GALNT14: variants seen among roughly 807,000 people sequenced by gnomAD.
The protein encoded by GALNT14 is polypeptide N-acetylgalactosaminyltransferase 14, also known as UDP-GalNAc:polypeptide N-acetylgalactosaminyltransferase 14.
GALNT14 carries 60 observed loss-of-function variants against 77.5 expected under a neutral mutation model. The observed-to-expected ratio is 0.77, with a 90% CI of 0.63 to 0.96. The LOEUF is 0.96. GALNT14 is among the 40% of genes least tolerant of loss of function. GALNT14 has a pLI of 0.00. For missense variants in GALNT14, 710 were observed against 731.0 expected (o/e 0.97, Z 0.33); for synonymous variants, 280 against 281.7 (o/e 0.99, Z 0.06).
chr2:31,079,778 C>T (rs144419868), intron 1 of GALNT14, among the ~76,000 whole-genome samples: 51 of 152,306 alleles, frequency 3.3e-4, no homozygotes, highest in Admixed American at 3.0e-3. Flanking sequence ...TAGTCATGTA[C>T]GGTCCTACAA....
At chr2:30,933,630 C>G (rs1014225815) in intron 9 of GALNT14, among the ~76,000 whole-genome samples, 1 of 152,162 alleles carries the variant, frequency 6.6e-6, no homozygotes, top group Non-Finnish European at 1.5e-5. Context: ...CTGGATTCCC[C>G]TCAGGGTGGG....
intron 2 of GALNT14, among the ~76,000 whole-genome samples, chr2:30,976,112 A>G (rs1326602957): frequency 6.6e-6 from 1 of 152,188 alleles, no homozygotes; most frequent in Admixed American, 6.5e-5. Context: ...AGCAAAAAAC[A>G]TAATTACTGA....
chr2:31,022,892 T>G (rs1216328844), intron 1 of GALNT14, among the ~76,000 whole-genome samples: 1 of 152,204 alleles, frequency 6.6e-6, no homozygotes, highest in Non-Finnish European at 1.5e-5. Flanking sequence ...ATGGGTGCCC[T>G]GCCAGGCTAC....
intron 1 of GALNT14, among the ~76,000 whole-genome samples, chr2:31,109,371 C>T (rs1237480156): frequency 2.0e-5 from 3 of 152,176 alleles, no homozygotes; most frequent in African/African-American, 7.2e-5. Context: ...GGAAGCCACC[C>T]ATTGAGTTGG....
intron 13 of GALNT14, among the ~76,000 whole-genome samples, chr2:30,912,640 C>T (rs1002790015): frequency 2.0e-5 from 3 of 152,186 alleles, no homozygotes; most frequent in Non-Finnish European, 2.9e-5. Flanking sequence ...ACAACAACCC[C>T]AGCTGAGCTG....
In GALNT14 at chr2:31,138,381, CGCCACCGCGGCT is replaced by C. The variant is rs1489544130; in HGVS notation, c.-307_-296del. 5.3e-6 allele frequency: 2 copies of C among 380,150 alleles called. No individual in the cohort carries two copies. The highest frequency in any genetic ancestry group is 9.4e-6 in the Non-Finnish European group (2 of 212,536). The allele number at this position is 380,150 out of a possible 1,614,324, so 23.5% of individuals were successfully genotyped here. A position where few individuals can be genotyped will look rare whatever the true frequency, so the allele number is the denominator to read the frequency against. ...GTGGCTGCCGAGATGTTCCCCACGC[CGCCACCGCGGCT>C]GCCGCCGCCGCCGCCGCCGCCTTGC... On this transcript the variant is annotated 5_prime_UTR_variant, in exon 1 of 15. Transcript: ENST00000349752.
chr2:31,059,512 G>A (rs112125576), intron 1 of GALNT14, among the ~76,000 whole-genome samples: 203 of 152,222 alleles, frequency 1.3e-3, no homozygotes, highest in African/African-American at 4.7e-3. Context: ...TCATGGGGGA[G>A]GAACCTTATG....
chr2:30,981,943 G>A (rs908700575), intron 2 of GALNT14, among the ~76,000 whole-genome samples: 2 of 152,124 alleles, frequency 1.3e-5, no homozygotes, highest in African/African-American at 4.8e-5. Flanking sequence ...ACTTTATCAT[G>A]CTGCCTCACA....
intron 6 of GALNT14, among the ~76,000 whole-genome samples, 178 bp downstream of exon 6, chr2:30,955,440 A>G (rs550284526): frequency 6.6e-6 from 1 of 152,208 alleles, no homozygotes; most frequent in Non-Finnish European, 1.5e-5. Flanking sequence ...ACTGACTGCC[A>G]TGTGACCTCA....
intron 1 of GALNT14, among the ~76,000 whole-genome samples, chr2:31,099,279 T>C (rs1361972569): frequency 3.3e-5 from 5 of 152,126 alleles, no homozygotes; most frequent in Non-Finnish European, 5.9e-5. Flanking sequence ...TTATATCCTT[T>C]GCCTATTATT....
At chr2:31,092,425 T>C (rs149046370) in intron 1 of GALNT14, among the ~76,000 whole-genome samples, 19 of 152,096 alleles carry the variant, frequency 1.2e-4, no homozygotes, top group African/African-American at 4.1e-4. Context: ...ACAGTTGGGG[T>C]TAAGTTCATT....
At chr2:30,962,068 C>T (rs1463569905) in intron 3 of GALNT14, among the ~76,000 whole-genome samples, 10 of 152,100 alleles carry the variant, frequency 6.6e-5, no homozygotes, top group Non-Finnish European at 1.5e-5. Flanking sequence ...GAAGCCTGCT[C>T]AAGTTTGAGA....
intron 14 of GALNT14, among the ~76,000 whole-genome samples, chr2:30,911,727 G>C (rs1356504704): frequency 6.6e-6 from 1 of 152,180 alleles, no homozygotes; most frequent in African/African-American, 2.4e-5. Context: ...CATAAAACAG[G>C]CATTTGAATC....
At chr2:30,896,047 C>T in the GALNT14 span, among the ~76,000 whole-genome samples, 1 of 151,286 alleles carries the variant, frequency 6.6e-6, no homozygotes, top group Non-Finnish European at 1.5e-5. Context: ...GCTCAACTTC[C>T]TCATCTGTAA....
intron 1 of GALNT14, among the ~76,000 whole-genome samples, chr2:31,087,761 T>C (rs1676519514): frequency 1.3e-5 from 2 of 152,180 alleles, no homozygotes; most frequent in African/African-American, 2.4e-5. Flanking sequence ...GATTTGGCAA[T>C]ACAGATGATG....
intron 1 of GALNT14, among the ~76,000 whole-genome samples, chr2:31,090,084 G>T (rs1434311150): frequency 6.6e-6 from 1 of 152,028 alleles, no homozygotes; most frequent in Non-Finnish European, 1.5e-5. Context: ...TCCCCTCAAG[G>T]GCTCCGATCC....
intron 1 of GALNT14, among the ~76,000 whole-genome samples, chr2:31,038,795 G>A (rs1672922756): frequency 6.6e-6 from 1 of 151,634 alleles, no homozygotes; most frequent in Non-Finnish European, 1.5e-5. Context: ...GCCCAGGCTG[G>A]AGTGCAGTGG....
chr2:31,059,212 C>T (rs1048870463), intron 1 of GALNT14, among the ~76,000 whole-genome samples: 3 of 152,172 alleles, frequency 2.0e-5, no homozygotes, highest in Non-Finnish European at 2.9e-5. Context: ...GTAAGCCAGT[C>T]TTGTGGCTCT....
intron 1 of GALNT14, among the ~76,000 whole-genome samples, chr2:31,108,782 A>T (rs1039496342): frequency 6.6e-6 from 1 of 152,200 alleles, no homozygotes; most frequent in Non-Finnish European, 1.5e-5. Flanking sequence ...AGGGTCTAGC[A>T]GGCACCCAGC....
Sources: gnomAD v4.1 joint callset for allele counts (sites outside exome capture counted in the v4.1 genomes callset) on GRCh38, gnomAD v4.1.1 for gene constraint, MANE v1.5 for transcripts, NCBI Gene and HGNC (gene_info 2026-07-23, HGNC 2026-07-21) for gene names.